GDI2: variants seen among roughly 807,000 people sequenced by gnomAD.
GDI2 encodes the protein GDP dissociation inhibitor 2, also known as rab GDP dissociation inhibitor beta.
Under a neutral mutation model 54.2 loss-of-function variants are expected in GDI2, and 22 were observed. That is an observed-to-expected ratio of 0.41 (90% CI 0.29 to 0.58). The LOEUF is 0.58. Among genes scored for constraint, GDI2 ranks in the 20% least tolerant of loss-of-function variants. The pLI is 0.35. For missense variants in GDI2, 422 were observed against 546.0 expected (o/e 0.77, Z 2.26); for synonymous variants, 177 against 182.1 (o/e 0.97, Z 0.23).
rs1588986367 is a variant in GDI2, at chr10:5,800,767, T to G, written c.46-62A>C. The G allele has an allele frequency of 8.3e-6, 7 of 843,494 alleles. No individual in the cohort carries two copies. The East Asian group carries it at 1.7e-4, about 20-fold the overall frequency. 52.3% of individuals were successfully genotyped at this position (843,494 alleles called of 1,614,324 possible). On this transcript the variant is annotated intron_variant, in intron 1 of 10. Transcript: ENST00000380191. The stretch of plus-strand genomic sequence containing the variant: ...TACAGCATATTTAAAACAGATCATT[T>G]TTTTCAAGCCTGCCATTACACATTC...
rs1238032035 is a variant in GDI2 at position 5,768,130 on chromosome 10, C to G, written c.991+83G>C. On this transcript the variant is annotated intron_variant, in intron 8 of 10. Coordinates refer to ENST00000380191, the MANE Select transcript of GDI2 (RefSeq NM_001494.4). This position sits in a 1 kb window ranked among gnomAD's most constrained non-coding sequence, Gnocchi z 4.4. ...AAGGTCTGTTCACTAATACAGCATA[C>G]AAAATTAGGAATTTGGGATAAAACA... 3 of 1,204,768 alleles carry G rather than the reference C, an allele frequency of 2.5e-6. No individual in the cohort carries two copies. In the African/African-American group the frequency reaches 4.5e-5, roughly 18 times the overall value. 74.6% of individuals were successfully genotyped at this position (1,204,768 alleles called of 1,614,324 possible).
chr10:5,807,317 T>C (rs1331285414), intron 1 of GDI2, among the ~76,000 whole-genome samples: 2 of 152,226 alleles, frequency 1.3e-5, no homozygotes, highest in Non-Finnish European at 2.9e-5. Flanking sequence ...ATCTGATGAA[T>C]ACACAATATT....
chr10:5,795,218 C>A (rs1015956435), intron 3 of GDI2, among the ~76,000 whole-genome samples, 199 bp from the exon 4 acceptor site: 1 of 152,202 alleles, frequency 6.6e-6, no homozygotes, highest in Non-Finnish European at 1.5e-5. Flanking sequence ...CAACCTCAGC[C>A]TCCTGGGCTC....
Position 5,776,730 on chromosome 10 carries a change from G to T in GDI2, c.720-2789C>A. 1 of 1,493,326 alleles carries T rather than the reference G, an allele frequency of 6.7e-7. No individual in the cohort carries two copies. Among genetic ancestry groups the T allele is most frequent in the South Asian group, 1.1e-5 (1 of 87,660 alleles). 92.5% of individuals were successfully genotyped at this position (1,493,326 alleles called of 1,614,324 possible). A position where few individuals can be genotyped will look rare whatever the true frequency, so the allele number is the denominator to read the frequency against. On this transcript the variant is annotated intron_variant, in intron 6 of 10. Transcript: ENST00000380191. The surrounding 1 kb of genome is among the most constrained non-coding windows in gnomAD (Gnocchi z 5.3). ...GAAACTGCTACAGCCTCTTTAACCT[G>T]GCAGAAGTTTGCAGCAAATACCAGG...
intron 1 of GDI2, among the ~76,000 whole-genome samples, chr10:5,812,593 G>C (rs910298880): frequency 2.0e-5 from 3 of 152,204 alleles, no homozygotes; most frequent in Admixed American, 2.0e-4. Context: ...AAGTGAGAAG[G>C]GAGGGTGGCT....
chr10:5,798,599 A>C (rs1011165334), intron 2 of GDI2, among the ~76,000 whole-genome samples: 1 of 152,080 alleles, frequency 6.6e-6, no homozygotes, highest in Non-Finnish European at 1.5e-5. Flanking sequence ...AAAAAAAAAA[A>C]AAAGAAAAAA....
At chr10:5,780,227 A>C (rs1205345559) in intron 6 of GDI2, among the ~76,000 whole-genome samples, 1 of 151,322 alleles carries the variant, frequency 6.6e-6, no homozygotes, top group African/African-American at 2.4e-5. Context: ...AAAACAAACA[A>C]ACAAACAAAC....
chr10:5,808,724 A>AACACACAC (rs1270385380), intron 1 of GDI2, among the ~76,000 whole-genome samples: 1 of 32,794 alleles, frequency 3.0e-5, no homozygotes, highest in Non-Finnish European at 2.1e-4. Context: ...AAAAACTACA[A>AACACACAC]ATACACACAC....
At chr10:5,793,415 C>T (rs1429711341) in intron 4 of GDI2, among the ~76,000 whole-genome samples, 1 of 152,246 alleles carries the variant, frequency 6.6e-6, no homozygotes, top group East Asian at 1.9e-4. Flanking sequence ...GATTACACTA[C>T]TAACTACCCG....
chr10:5,800,805 C>A, intron 1 of GDI2, 100 bp from the exon 2 acceptor site: 2 of 717,382 alleles, frequency 2.8e-6, no homozygotes, highest in Non-Finnish European at 5.1e-6. Flanking sequence ...TTAGTAATTA[C>A]ACTTATATTC....
At chr10:5,805,363 TAAAA>T (rs33941987) in intron 1 of GDI2, among the ~76,000 whole-genome samples, 34 of 105,896 alleles carry the variant, frequency 3.2e-4, no homozygotes, top group African/African-American at 1.0e-3. Flanking sequence ...ATTTGCTCTT[TAAAA>T]AAAAAAAAAA....
At position 5,766,685 on chromosome 10, in the gene GDI2, G is replaced by C; in HGVS notation, c.992-47C>G. The C allele has an allele frequency of 6.6e-7, 1 of 1,522,468 alleles. No homozygotes were observed. The highest frequency in any genetic ancestry group is 9.1e-7 in the Non-Finnish European group (1 of 1,097,656). The allele number at this position is 1,522,468 out of a possible 1,614,324, so 94.3% of individuals were successfully genotyped here. ...TCACTGCCTCAAGTGTCTCCATCTG[G>C]GACCCAACATACTCAGGTATCACCC... On this transcript the variant is annotated intron_variant, in intron 8 of 10. Transcript: ENST00000380191. The surrounding 1 kb of genome is among the most constrained non-coding windows in gnomAD (Gnocchi z 5.8).
chr10:5,785,116 C>G, intron 6 of GDI2, 26 bp downstream of exon 6: 1 of 1,535,266 alleles, frequency 6.5e-7, no homozygotes, highest in Non-Finnish European at 8.8e-7. Context: ...TTTTGGATCA[C>G]TGAGGTTTTA....
chr10:5,771,679 A>G (rs1319025369), intron 7 of GDI2, among the ~76,000 whole-genome samples: 2 of 152,274 alleles, frequency 1.3e-5, no homozygotes, highest in Admixed American at 1.3e-4. Flanking sequence ...CTTGAATTGC[A>G]AGATAAATGT....
In GDI2 at chr10:5,765,788, G is replaced by C; in HGVS notation, c.*218C>G. ...CACTAGAAAAAAAAAAAGCCAGTTT[G>C]GTTAAATTGAACAGAATGTGGTAAC... On this transcript the variant is annotated 3_prime_UTR_variant, in exon 11 of 11. Transcript: ENST00000380191. 2.2e-6 allele frequency: 1 copy of C among 449,774 alleles called. No homozygotes were observed. The highest frequency in any genetic ancestry group is 3.9e-6 in the Non-Finnish European group (1 of 259,044). The allele number at this position is 449,774 out of a possible 1,614,324, so 27.9% of individuals were successfully genotyped here.
At chr10:5,808,854 T>A (rs1841431681) in intron 1 of GDI2, among the ~76,000 whole-genome samples, 1 of 152,058 alleles carries the variant, frequency 6.6e-6, no homozygotes, top group African/African-American at 2.4e-5. Flanking sequence ...TTTAAATCAG[T>A]TCATTTCAAT....
intron 1 of GDI2, among the ~76,000 whole-genome samples, chr10:5,810,832 TATCTTCTTGATTAAG>T (rs1390700303): frequency 6.6e-6 from 1 of 151,824 alleles, no homozygotes; most frequent in Non-Finnish European, 1.5e-5. Context: ...AATCGTTTTG[TATCTTCTTGATTAAG>T]ATAACTATCA....
intron 1 of GDI2, 30 bp downstream of exon 1, chr10:5,813,184 C>A (rs1361248455): frequency 6.8e-7 from 1 of 1,476,404 alleles, no homozygotes; most frequent in Non-Finnish European, 9.2e-7. Context: ...CCCGGCTGCT[C>A]AGCCCCGGCC....
At chr10:5,794,191 ATATATATATATAT>A (rs1564396006) in intron 4 of GDI2, among the ~76,000 whole-genome samples, 435 of 31,910 alleles carry the variant, frequency 0.014, 31 homozygotes, top group Admixed American at 0.016. Context: ...AAAAAAAAAT[ATATATATATATAT>A]ATATATATAT....
Sources: gnomAD v4.1 joint callset for allele counts (sites outside exome capture counted in the v4.1 genomes callset) on GRCh38, gnomAD v4.1.1 for gene constraint, Gnocchi (gnomAD v3.1) non-coding constraint, MANE v1.5 for transcripts, NCBI Gene and HGNC (gene_info 2026-07-23, HGNC 2026-07-21) for gene names.